STIM1: variants seen among roughly 807,000 people sequenced by gnomAD.
STIM1 encodes stromal interaction molecule 1.
Under a neutral mutation model 74.7 loss-of-function variants are expected in STIM1, and 25 were observed. The ratio of observed to expected loss-of-function variants is 0.33; its 90% CI spans 0.24 to 0.47. The LOEUF (loss-of-function observed/expected upper bound fraction) is 0.47. Ranked by LOEUF, STIM1 falls within the 20% of genes least tolerant of loss-of-function variation. The probability of loss-of-function intolerance (pLI) is 1.00; values close to 1 mark genes in which losing one functional copy is unlikely to be tolerated. For synonymous variants in STIM1, 328 were observed against 348.8 expected (o/e 0.94, Z 0.66); for missense variants, 728 against 920.8 (o/e 0.79, Z 2.71).
chr11:4,053,858 T>G (rs2094265704), intron 3 of STIM1, among the ~76,000 whole-genome samples: 1 of 152,204 alleles, frequency 6.6e-6, no homozygotes, highest in Non-Finnish European at 1.5e-5. Context: ...ATCTCCCGCC[T>G]TAGCCTCTCA....
chr11:4,020,173 C>G (rs913941741), intron 2 of STIM1, among the ~76,000 whole-genome samples: 3 of 151,964 alleles, frequency 2.0e-5, no homozygotes, highest in Non-Finnish European at 4.4e-5. Flanking sequence ...TGTAAATATA[C>G]GACATTTTCT....
chr11:3,949,564 C>T (rs980026268), intron 1 of STIM1, among the ~76,000 whole-genome samples: 3 of 152,174 alleles, frequency 2.0e-5, no homozygotes. Flanking sequence ...ATTTTTCAAC[C>T]AGTGGTTAGT....
chr11:3,953,784 CT>C (rs1237093007), intron 1 of STIM1, among the ~76,000 whole-genome samples: 35 of 133,526 alleles, frequency 2.6e-4, no homozygotes, highest in African/African-American at 3.8e-4. Flanking sequence ...CTTCTTCTTT[CT>C]TTTTTTTTTT....
rs144602692 is a variant in STIM1 at position 4,055,598 on chromosome 11, C to T, written c.458C>T (p.Thr153Ile). ...TYVELPQYEE[T>I]FRKLQLSGHA... is the part of the protein sequence containing the mutation. ...GTGGAGCTGCCTCAGTATGAGGAGA[C>T]CTTCCGGAAGCTGCAGCTCAGTGGC... Residue 153 changes from threonine (T) to isoleucine (I), a missense_variant, in exon 4 of 13, where the codon ACC becomes ATC. Physicochemically the swap from Thr to Ile is moderately conservative, Grantham distance 89 (BLOSUM62 -1). This residue lies in a region of STIM1 where 132 missense variants were observed against 158.2 expected (regional missense o/e 0.83). Coordinates refer to ENST00000526596, the MANE Select transcript of STIM1 (RefSeq NM_001382567.1). 478 of 1,598,430 alleles carry T rather than the reference C, an allele frequency of 3.0e-4. No individual in the cohort carries two copies. Among genetic ancestry groups the T allele is most frequent in the Non-Finnish European group, 3.8e-4 (444 of 1,173,472 alleles).
At chr11:3,948,563 A>G (rs1191885269) in intron 1 of STIM1, among the ~76,000 whole-genome samples, 1 of 152,184 alleles carries the variant, frequency 6.6e-6, no homozygotes, top group Non-Finnish European at 1.5e-5. Context: ...GCTCTACAAT[A>G]ACAAATTATG....
intron 1 of STIM1, among the ~76,000 whole-genome samples, chr11:3,901,711 G>A (rs2092352643): frequency 6.6e-6 from 1 of 152,210 alleles, no homozygotes; most frequent in Non-Finnish European, 1.5e-5. Flanking sequence ...CAGACTCAGT[G>A]GTAGGAGATT....
At chr11:3,919,056 G>A (rs777072425) in intron 1 of STIM1, among the ~76,000 whole-genome samples, 17 of 152,134 alleles carry the variant, frequency 1.1e-4, no homozygotes, top group Non-Finnish European at 2.1e-4. Flanking sequence ...TTTGCTTGAG[G>A]TGGGATAGTG....
intron 2 of STIM1, among the ~76,000 whole-genome samples, chr11:3,998,171 T>A (rs2959056): frequency 0.37 from 56,272 of 152,092 alleles, 12,210 homozygotes; most frequent in Non-Finnish European, 0.48. Context: ...AATTTACTCA[T>A]TTATGCTTCC....
At chr11:4,030,564 T>C (rs981943672) in intron 3 of STIM1, among the ~76,000 whole-genome samples, 4 of 152,206 alleles carry the variant, frequency 2.6e-5, no homozygotes. Context: ...AACCATCAAG[T>C]CATTTAGTTA....
At chr11:3,903,019 G>GCC (rs1367249686) in intron 1 of STIM1, among the ~76,000 whole-genome samples, 6 of 152,168 alleles carry the variant, frequency 3.9e-5, no homozygotes, top group Admixed American at 3.9e-4. Context: ...CTTACCATGT[G>GCC]CCAGGTACTA....
intron 1 of STIM1, among the ~76,000 whole-genome samples, chr11:3,918,719 C>T (rs943144013): frequency 4.6e-5 from 7 of 151,786 alleles, no homozygotes; most frequent in Admixed American, 2.6e-4. Context: ...CTCATGGAAC[C>T]CAGGGGTCAG....
intron 2 of STIM1, among the ~76,000 whole-genome samples, chr11:4,013,010 T>C (rs1439966628): frequency 6.6e-6 from 1 of 152,234 alleles, no homozygotes; most frequent in Non-Finnish European, 1.5e-5. Context: ...TGGTTCTGTT[T>C]ATGTGATGGA....
At chr11:3,980,621 A>AAC (rs1474941354) in intron 2 of STIM1, among the ~76,000 whole-genome samples, 2 of 151,864 alleles carry the variant, frequency 1.3e-5, no homozygotes, top group Non-Finnish European at 2.9e-5. Context: ...AAAAAAAAAA[A>AAC]AAAAAAACCC....
rs1420386351 is a variant in STIM1 at position 4,093,002 on chromosome 11, A to G, written c.*1204A>G. 1 of 152,182 alleles carries G rather than the reference A, an allele frequency of 6.6e-6. No homozygotes were observed. Among genetic ancestry groups the G allele is most frequent in the African/African-American group, 2.4e-5 (1 of 41,266 alleles). The allele number at this position is 152,182 out of a possible 1,614,324, so 9.4% of individuals were successfully genotyped here. A position where few individuals can be genotyped will look rare whatever the true frequency, so the allele number is the denominator to read the frequency against. Reference sequence around the variant, plus strand: ...CTTACCTGTTTTTGCTATGGCTGTAAAGGTATTTTTCCTCTGCCCCACTCC... The same window carrying G: ...CTTACCTGTTTTTGCTATGGCTGTAGAGGTATTTTTCCTCTGCCCCACTCC... On this transcript the variant is annotated 3_prime_UTR_variant, in exon 13 of 13. Transcript: ENST00000526596.
intron 5 of STIM1, among the ~76,000 whole-genome samples, chr11:4,061,421 A>T (rs2094329831): frequency 6.6e-6 from 1 of 152,192 alleles, no homozygotes; most frequent in Admixed American, 6.5e-5. Context: ...GGCAGAACAC[A>T]GGTACTGAAG....
chr11:4,006,874 G>C (rs1013641283), intron 2 of STIM1, among the ~76,000 whole-genome samples: 1 of 152,136 alleles, frequency 6.6e-6, no homozygotes, highest in South Asian at 2.1e-4. Flanking sequence ...AGGTTGGAAA[G>C]GGGAGGGAAG....
intron 2 of STIM1, among the ~76,000 whole-genome samples, chr11:3,996,740 T>C (rs543304774): frequency 2.6e-5 from 4 of 152,224 alleles, no homozygotes; most frequent in Non-Finnish European, 4.4e-5. Flanking sequence ...CCAGAAACTT[T>C]AAATGGTTGC....
At chr11:3,905,777 A>G (rs992535885) in intron 1 of STIM1, among the ~76,000 whole-genome samples, 1 of 152,166 alleles carries the variant, frequency 6.6e-6, no homozygotes, top group Non-Finnish European at 1.5e-5. Context: ...GAACTGCATG[A>G]TGTATTCTTT....
intron 4 of STIM1, 125 bp downstream of exon 4, chr11:4,055,762 TTG>T: frequency 1.5e-6 from 1 of 666,314 alleles, no homozygotes; most frequent in Non-Finnish European, 2.6e-6. Context: ...TCTATAGATC[TTG>T]CCTCTTCTCA....
Sources: allele counts gnomAD v4.1 joint callset (sites outside exome capture counted in the v4.1 genomes callset), GRCh38; gene constraint gnomAD v4.1.1; regional missense constraint gnomAD v4.1.1; transcripts MANE v1.5; gene names NCBI Gene and HGNC (gene_info 2026-07-23, HGNC 2026-07-21).